The following TTC17 variants were observed in gnomAD, a reference collection of about 807,000 sequenced individuals.
TTC17 encodes the protein tetratricopeptide repeat protein 17.
TTC17 carries 58 observed loss-of-function variants against 143.8 expected under a neutral mutation model. The ratio of observed to expected loss-of-function variants is 0.40; its 90% CI spans 0.33 to 0.50. TTC17 has a LOEUF of 0.50. TTC17 is among the 20% of genes least tolerant of loss of function. The probability of loss-of-function intolerance (pLI) is 0.49; values close to 1 mark genes in which losing one functional copy is unlikely to be tolerated. For missense variants in TTC17, 1,273 were observed against 1,392.5 expected (o/e 0.91, Z 1.37); for synonymous variants, 501 against 497.8 (o/e 1.01, Z -0.09).
At chr11:43,405,729 A>G (rs1040728132) in intron 12 of TTC17, 57 bp from the exon 13 acceptor site, 1 of 1,612,132 alleles carries the variant, frequency 6.2e-7, no homozygotes, top group Admixed American at 1.7e-5. Context: ...TTAAGTCTTT[A>G]TCTTGAAGTC....
intron 16 of TTC17, among the ~76,000 whole-genome samples, chr11:43,427,078 T>C (rs931217846): frequency 2.0e-5 from 3 of 152,226 alleles, no homozygotes; most frequent in Non-Finnish European, 4.4e-5. Flanking sequence ...TACCATATTT[T>C]AAACTTTGGT....
At chr11:43,391,704 CTT>C (rs1857396729) in intron 4 of TTC17, 115 bp from the exon 5 acceptor site, 1 of 1,369,156 alleles carries the variant, frequency 7.3e-7, no homozygotes, top group African/African-American at 1.5e-5. Context: ...ATAGACATCT[CTT>C]ATTTCTTAAA....
chr11:43,427,296 C>T (rs536515401), intron 16 of TTC17, among the ~76,000 whole-genome samples: 4 of 152,164 alleles, frequency 2.6e-5, no homozygotes, highest in Non-Finnish European at 5.9e-5. Flanking sequence ...CCCCCTCCGA[C>T]TGTTTGTATG....
At chr11:43,466,708 A>G in intron 21 of TTC17, 1 of 361,690 alleles carries the variant, frequency 2.8e-6, no homozygotes, top group South Asian at 2.6e-5. Flanking sequence ...AAAACAAATG[A>G]GTCCCAGTTT....
intron 21 of TTC17, among the ~76,000 whole-genome samples, chr11:43,470,981 C>A (rs1341667847): frequency 6.6e-6 from 1 of 152,198 alleles, no homozygotes; most frequent in Admixed American, 6.5e-5. Flanking sequence ...ATTATTTCTT[C>A]AAAAGCCCAT....
At chr11:43,399,714 A>G (rs1317211683) in intron 8 of TTC17, among the ~76,000 whole-genome samples, 174 bp from the exon 9 acceptor site, 1 of 152,222 alleles carries the variant, frequency 6.6e-6, no homozygotes, top group Non-Finnish European at 1.5e-5. Flanking sequence ...GAAGAATTTC[A>G]CATTTATCTT....
In TTC17 at chr11:43,400,334, C is replaced by G. The variant is rs117812053; in HGVS notation, c.1219+286C>G. 7.3e-3 allele frequency among the ~76,000 whole-genome samples: 1,110 copies of G among 151,946 alleles called. 10 individuals carry two copies. Among genetic ancestry groups the G allele is most frequent in the Non-Finnish European group, 0.011 (763 of 67,950 alleles). ...TCTGTGTTCAACATCAGTTTTTTTT[C>G]CTACCCTAATATGCATATCAGTCTC... On this transcript the variant is annotated intron_variant, in intron 9 of 23. Coordinates refer to ENST00000039989, the MANE Select transcript of TTC17 (RefSeq NM_018259.6).
intron 16 of TTC17, among the ~76,000 whole-genome samples, chr11:43,438,157 C>G (rs370194106): frequency 2.6e-5 from 4 of 152,104 alleles, no homozygotes; most frequent in Non-Finnish European, 4.4e-5. Context: ...TGCCCAAGGC[C>G]CTATGGTGGT....
At chr11:43,470,599 G>C (rs1948073637) in intron 21 of TTC17, among the ~76,000 whole-genome samples, 1 of 152,172 alleles carries the variant, frequency 6.6e-6, no homozygotes. Flanking sequence ...ACAGATATTA[G>C]ATATTTAGGG....
chr11:43,369,114 C>T lies in TTC17; in HGVS notation c.159+10001C>T, dbSNP rs1856463900. 2.0e-5 allele frequency among the ~76,000 whole-genome samples: 3 copies of T among 152,268 alleles called. No individual in the cohort carries two copies. In the South Asian group the frequency reaches 6.2e-4, roughly 32 times the overall value. On this transcript the variant is annotated intron_variant, in intron 1 of 23. Coordinates refer to ENST00000039989, the MANE Select transcript of TTC17 (RefSeq NM_018259.6). ...TGTCTTGATCCAGCTTTTCACTTAC[C>T]TTCCTTTTAGAGTTGCAAATGTTCT...
At chr11:43,435,813 C>A (rs2134699585) in intron 16 of TTC17, among the ~76,000 whole-genome samples, 1 of 152,294 alleles carries the variant, frequency 6.6e-6, no homozygotes, top group South Asian at 2.1e-4. Context: ...CCTGTCATTT[C>A]TCACAAATAG....
intron 1 of TTC17, among the ~76,000 whole-genome samples, chr11:43,359,881 C>T (rs754644838): frequency 6.6e-6 from 1 of 152,184 alleles, no homozygotes; most frequent in Non-Finnish European, 1.5e-5. Context: ...AGAGGCGAGA[C>T]TGCTTTTCTT....
intron 16 of TTC17, among the ~76,000 whole-genome samples, chr11:43,430,184 T>G (rs1947121332): frequency 6.6e-6 from 1 of 152,154 alleles, no homozygotes; most frequent in Non-Finnish European, 1.5e-5. Flanking sequence ...TCCCAGCACT[T>G]TGGGAGGCCA....
At chr11:43,434,231 A>ACTCT (rs1302581191) in intron 16 of TTC17, among the ~76,000 whole-genome samples, 5 of 106,590 alleles carry the variant, frequency 4.7e-5, no homozygotes, top group African/African-American at 1.5e-4. Flanking sequence ...ACACACACAC[A>ACTCT]CTCTCATGGC....
chr11:43,408,169 G>T (rs1858232692), intron 15 of TTC17, among the ~76,000 whole-genome samples: 1 of 151,920 alleles, frequency 6.6e-6, no homozygotes, highest in Non-Finnish European at 1.5e-5. Context: ...GTCATTTTAG[G>T]TTTCATGAAA....
At chr11:43,475,607 G>A (rs551115238) in intron 21 of TTC17, among the ~76,000 whole-genome samples, 1 of 152,284 alleles carries the variant, frequency 6.6e-6, no homozygotes, top group African/African-American at 2.4e-5. Flanking sequence ...TTACAGATGT[G>A]AGCCACCACA....
chr11:43,431,873 C>T (rs1947167466), intron 16 of TTC17, among the ~76,000 whole-genome samples: 1 of 152,212 alleles, frequency 6.6e-6, no homozygotes, highest in South Asian at 2.1e-4. Context: ...AAACGATTCA[C>T]AAAAAGGTAA....
At chr11:43,383,655 C>T (rs2134497607) in intron 2 of TTC17, among the ~76,000 whole-genome samples, 1 of 152,258 alleles carries the variant, frequency 6.6e-6, no homozygotes, top group African/African-American at 2.4e-5. Context: ...AGGCGGGAGC[C>T]ACCGTGCCCG....
chr11:43,397,533 CT>C lies in TTC17; in HGVS notation c.918+45del, dbSNP rs756840950. On this transcript the variant is annotated intron_variant, in intron 7 of 23. Transcript: ENST00000039989. The stretch of plus-strand genomic sequence containing the variant: ...GTTTCATGAGTCATGCTAGTTGCCA[CT>C]TTCTTTTTTTTTTTTTTTTCTCCCC... 5.5e-6 allele frequency: 7 copies of C among 1,273,474 alleles called. No homozygotes were observed. In the African/African-American group the frequency reaches 1.2e-4, roughly 23 times the overall value. The allele number at this position is 1,273,474 out of a possible 1,614,324, so 78.9% of individuals were successfully genotyped here. A position where few individuals can be genotyped will look rare whatever the true frequency, so the allele number is the denominator to read the frequency against.
Sources: gnomAD v4.1 joint callset for allele counts (sites outside exome capture counted in the v4.1 genomes callset) on GRCh38, gnomAD v4.1.1 for gene constraint, MANE v1.5 for transcripts, NCBI Gene and HGNC (gene_info 2026-07-23, HGNC 2026-07-21) for gene names.